RBFOX3: variants seen among roughly 807,000 people sequenced by gnomAD.
RBFOX3 encodes the protein RNA binding protein fox-1 homolog 3.
In RBFOX3, 17 loss-of-function variants were observed where a neutral mutation model predicts 48.7. The observed-to-expected ratio is 0.35, with a 90% CI of 0.24 to 0.52. The LOEUF (loss-of-function observed/expected upper bound fraction) is 0.52, where lower values mean the gene tolerates loss of function less well. Ranked by LOEUF, RBFOX3 falls within the 20% of genes least tolerant of loss-of-function variation. RBFOX3 has a pLI of 0.94. For missense variants in RBFOX3, 382 were observed against 497.5 expected (o/e 0.77, Z 2.21); for synonymous variants, 212 against 209.5 (o/e 1.01, Z -0.10).
Position 79,192,485 on chromosome 17 carries a change from A to C in RBFOX3, c.-34+43281T>G, listed in dbSNP as rs575919728. On this transcript the variant is annotated intron_variant, in intron 4 of 14. Coordinates refer to ENST00000693108, the MANE Select transcript of RBFOX3 (RefSeq NM_001350451.2). ...AGGAGCCAGCCCCGCAATAGATCAAACACCAGGACCTTCAAATCGCTCTGT... is the reference window on the plus strand; with the variant it reads ...AGGAGCCAGCCCCGCAATAGATCAACCACCAGGACCTTCAAATCGCTCTGT... 1.1e-4 allele frequency among the ~76,000 whole-genome samples: 16 copies of C among 152,346 alleles called. No homozygotes were observed. In the East Asian group the frequency reaches 2.7e-3, roughly 26 times the overall value.
In RBFOX3 at chr17:79,443,944, C is replaced by T. The variant is rs2071692771; in HGVS notation, c.-175+38510G>A. Among the ~76,000 whole-genome samples, 2 of 152,278 alleles carry T rather than the reference C, an allele frequency of 1.3e-5. No homozygotes were observed. The highest frequency in any genetic ancestry group is 1.3e-4 in the Admixed American group (2 of 15,302). On this transcript the variant is annotated intron_variant, in intron 2 of 14. Transcript: ENST00000693108. The surrounding 1 kb of genome is among the most constrained non-coding windows in gnomAD (Gnocchi z 4.4). Reference sequence around the variant, plus strand: ...GGCTATCCCGAGTGCCGTGACACTTCATCTCATGGTGCCTGAGACAGGCAC... The same window carrying T: ...GGCTATCCCGAGTGCCGTGACACTTTATCTCATGGTGCCTGAGACAGGCAC...
At chr17:79,323,871 T>C (rs35379347) in intron 2 of RBFOX3, among the ~76,000 whole-genome samples, 11,057 of 152,294 alleles carry the variant, frequency 0.073, 489 homozygotes, top group African/African-American at 0.11. Context: ...TTTGGGCAGA[T>C]TGCTTACTGT....
Position 79,362,435 on chromosome 17 carries a change from G to A in RBFOX3, c.-174-54611C>T, listed in dbSNP as rs1406719456. 6.6e-6 allele frequency among the ~76,000 whole-genome samples: 1 copy of A among 152,088 alleles called. No homozygotes were observed. The highest frequency in any genetic ancestry group is 1.5e-5 in the Non-Finnish European group (1 of 68,004). Reference sequence around the variant, plus strand: ...GAGGCATGGGGAGAGGATCACCCAGGGGACCAGGGGGTGGGGGTGGCGGTG... The same window carrying A: ...GAGGCATGGGGAGAGGATCACCCAGAGGACCAGGGGGTGGGGGTGGCGGTG... On this transcript the variant is annotated intron_variant, in intron 2 of 14. Coordinates refer to ENST00000693108, the MANE Select transcript of RBFOX3 (RefSeq NM_001350451.2). The surrounding 1 kb of genome is among the most constrained non-coding windows in gnomAD (Gnocchi z 4.2).
intron 2 of RBFOX3, among the ~76,000 whole-genome samples, chr17:79,399,827 G>A (rs1042460867): frequency 2.0e-5 from 3 of 152,226 alleles, no homozygotes; most frequent in African/African-American, 7.2e-5. Context: ...GCGTGAACGC[G>A]CCGCTGGAAA....
upstream of RBFOX3, among the ~76,000 whole-genome samples, chr17:79,613,596 T>C (rs2093983025): frequency 6.6e-6 from 1 of 152,232 alleles, no homozygotes; most frequent in African/African-American, 2.4e-5. Flanking sequence ...ACAGGGAGAC[T>C]GGGCTTGGGG....
In RBFOX3 at chr17:79,595,286, C is replaced by T. The variant is rs974045306; in HGVS notation, c.-320+15540G>A. 2.0e-5 allele frequency among the ~76,000 whole-genome samples: 3 copies of T among 152,194 alleles called. No individual in the cohort carries two copies. In the East Asian group the frequency reaches 5.8e-4, roughly 29 times the overall value. On this transcript the variant is annotated intron_variant, in intron 1 of 14. Coordinates refer to ENST00000693108, the MANE Select transcript of RBFOX3 (RefSeq NM_001350451.2). ...CTGGAGAGCAGACTTGGGTCCCCAG[C>T]CCAGGAACTCGATCCTCCCACTGAG...
At chr17:79,483,016 C>A (rs1270421968) in intron 1 of RBFOX3, among the ~76,000 whole-genome samples, 1 of 152,006 alleles carries the variant, frequency 6.6e-6, no homozygotes, top group Non-Finnish European at 1.5e-5. Context: ...CCACTGTCCG[C>A]ACTCTCCCAG....
intron 3 of RBFOX3, among the ~76,000 whole-genome samples, chr17:79,257,375 C>G (rs77370516): frequency 0.024 from 3,657 of 152,304 alleles, 134 homozygotes; most frequent in African/African-American, 0.083. Context: ...ATAGCTTCCC[C>G]AGAATACAAA....
chr17:79,234,769 G>T (rs1380745205), intron 4 of RBFOX3: 2 of 109,626 alleles, frequency 1.8e-5, no homozygotes, highest in East Asian at 2.9e-4. Flanking sequence ...GTCTTGCTCT[G>T]TTGACCAGGC....
chr17:79,438,122 A>ACG (rs1426952484), intron 2 of RBFOX3, among the ~76,000 whole-genome samples: 3 of 150,806 alleles, frequency 2.0e-5, no homozygotes. Flanking sequence ...ACACACACAC[A>ACG]CGTCACCACC....
At chr17:79,518,970 CAGA>C (rs1202629747) in intron 1 of RBFOX3, among the ~76,000 whole-genome samples, 1 of 152,210 alleles carries the variant, frequency 6.6e-6, no homozygotes, top group African/African-American at 2.4e-5. Context: ...CAGGAACGGC[CAGA>C]AGGAGAAAGC....
intron 14 of RBFOX3, chr17:79,092,186 G>A (rs1343391910): frequency 2.0e-6 from 2 of 985,406 alleles, no homozygotes; most frequent in East Asian, 1.1e-4. Context: ...CTGTTGTTCT[G>A]TGCAGCCTGG....
intron 4 of RBFOX3, among the ~76,000 whole-genome samples, chr17:79,171,899 C>T (rs2049380147): frequency 1.4e-5 from 2 of 147,058 alleles, no homozygotes; most frequent in Admixed American, 1.4e-4. Context: ...TGGCTGGGTG[C>T]GGTGGCTCAC....
rs562547433 is a variant in RBFOX3, at chr17:79,438,250, AC to A, written c.-175+44203del. On this transcript the variant is annotated intron_variant, in intron 2 of 14. Transcript: ENST00000693108. ...CTCTGGCCCCTGAGCTCAGGTCCTA[AC>A]CCTGCAGGCCCAGTAGGGGCACCGC... 3.2e-3 allele frequency among the ~76,000 whole-genome samples: 486 copies of A among 152,212 alleles called. 2 individuals are homozygous for A. Among genetic ancestry groups the A allele is most frequent in the African/African-American group, 0.011 (459 of 41,534 alleles).
chr17:79,255,398 C>G (rs557664640), intron 3 of RBFOX3, among the ~76,000 whole-genome samples: 7 of 152,190 alleles, frequency 4.6e-5, no homozygotes, highest in Admixed American at 4.6e-4. Flanking sequence ...CTGCCCTGCT[C>G]TTCAAAGAAG....
intron 1 of RBFOX3, among the ~76,000 whole-genome samples, chr17:79,520,470 A>G (rs1293870409): frequency 6.6e-6 from 1 of 152,176 alleles, no homozygotes; most frequent in East Asian, 1.9e-4. Flanking sequence ...GTCAGGTGCC[A>G]GGAACACAGG....
intron 2 of RBFOX3, among the ~76,000 whole-genome samples, chr17:79,413,533 C>T (rs2064818513): frequency 6.6e-6 from 1 of 152,266 alleles, no homozygotes; most frequent in Non-Finnish European, 1.5e-5. Context: ...AGGCCGTGAG[C>T]TCTTCTCTTC....
At chr17:79,602,110 A>G (rs1183400673) in intron 1 of RBFOX3, 1 of 152,202 alleles carries the variant, frequency 6.6e-6, no homozygotes, top group Admixed American at 6.5e-5. Context: ...CCGCTGGAAG[A>G]CGGCCTTTAA....
intron 4 of RBFOX3, among the ~76,000 whole-genome samples, chr17:79,177,528 C>G (rs375943137): frequency 4.6e-5 from 7 of 152,224 alleles, no homozygotes; most frequent in South Asian, 2.1e-4. Flanking sequence ...AGCTTACCCC[C>G]CTCTGCGAGC....
Sources: gnomAD v4.1 joint callset for allele counts (sites outside exome capture counted in the v4.1 genomes callset) on GRCh38, gnomAD v4.1.1 for gene constraint, Gnocchi (gnomAD v3.1) non-coding constraint, MANE v1.5 for transcripts, NCBI Gene and HGNC (gene_info 2026-07-23, HGNC 2026-07-21) for gene names.